The following GABRB1 variants were observed in gnomAD, a reference collection of about 807,000 sequenced individuals.
The protein encoded by GABRB1 is gamma-aminobutyric acid receptor subunit beta-1.
GABRB1 carries 17 observed loss-of-function variants against 51.6 expected under a neutral mutation model. The ratio of observed to expected loss-of-function variants is 0.33; its 90% CI spans 0.23 to 0.49. The LOEUF (loss-of-function observed/expected upper bound fraction) is 0.49. Ranked by LOEUF, GABRB1 falls within the 20% of genes least tolerant of loss-of-function variation. GABRB1 has a pLI of 0.99. For missense variants in GABRB1, 410 were observed against 600.6 expected (o/e 0.68, Z 3.32); for synonymous variants, 247 against 218.9 (o/e 1.13, Z -1.14).
chr4:47,050,255 A>C (rs969791451), intron 3 of GABRB1, among the ~76,000 whole-genome samples: 3 of 152,204 alleles, frequency 2.0e-5, no homozygotes, highest in African/African-American at 7.2e-5. Flanking sequence ...CCAGTTAGGC[A>C]TAATGCATTG....
chr4:47,016,729 C>T (rs1446672074), intron 1 of GABRB1, among the ~76,000 whole-genome samples: 1 of 152,028 alleles, frequency 6.6e-6, no homozygotes, highest in African/African-American at 2.4e-5. Flanking sequence ...TCTGGGATTA[C>T]AGGCGCCGAC....
At chr4:47,124,877 A>T (rs562085241) in intron 3 of GABRB1, among the ~76,000 whole-genome samples, 3 of 152,278 alleles carry the variant, frequency 2.0e-5, no homozygotes, top group Non-Finnish European at 4.4e-5. Flanking sequence ...CCATCAAGCA[A>T]ACAAATATGC....
intron 4 of GABRB1, among the ~76,000 whole-genome samples, chr4:47,242,378 T>A (rs1025937563): frequency 1.1e-4 from 16 of 152,224 alleles, no homozygotes; most frequent in African/African-American, 3.6e-4. Context: ...GCAGCATGAT[T>A]TATAATCCTT....
intron 4 of GABRB1, among the ~76,000 whole-genome samples, chr4:47,235,113 C>CT (rs1380289944): frequency 6.6e-6 from 1 of 152,166 alleles, no homozygotes; most frequent in Non-Finnish European, 1.5e-5. Context: ...TCATATCCAG[C>CT]TTTTTCCATA....
At chr4:47,294,623 C>A (rs183482166) in intron 4 of GABRB1, among the ~76,000 whole-genome samples, 53 of 152,330 alleles carry the variant, frequency 3.5e-4, no homozygotes, top group African/African-American at 1.3e-3. Flanking sequence ...TGGGTGGAGC[C>A]CACCACAGCT....
At chr4:47,007,897 A>ATATATATATATATGG (rs57931126) in intron 1 of GABRB1, among the ~76,000 whole-genome samples, 1 of 123,538 alleles carries the variant, frequency 8.1e-6, no homozygotes, top group Non-Finnish European at 1.7e-5. Flanking sequence ...TATATATAAA[A>ATATATATATATATGG]TCAAGTTTGT....
rs1727254801 is a variant in GABRB1, at chr4:47,070,034, T to C, written c.240+37550T>C. Among the ~76,000 whole-genome samples, 2 of 151,736 alleles carry C rather than the reference T, an allele frequency of 1.3e-5. 1 individual carries two copies. The highest frequency in any genetic ancestry group is 4.1e-4 in the South Asian group (2 of 4,826). On this transcript the variant is annotated intron_variant, in intron 3 of 8. Coordinates refer to ENST00000295454, the MANE Select transcript of GABRB1 (RefSeq NM_000812.4). ...TCTTTTTCGTTGTTGCTGTTTTTTT[T>C]TTTCTTTTCTTTTCTTTTTGAGACC...
At chr4:47,407,698 A>T (rs1038965534) in intron 8 of GABRB1, among the ~76,000 whole-genome samples, 1 of 152,224 alleles carries the variant, frequency 6.6e-6, no homozygotes, top group African/African-American at 2.4e-5. Flanking sequence ...TGGGATACTG[A>T]TGTGAATGAG....
chr4:46,998,732 T>TAA lies in GABRB1; in HGVS notation c.-20+4828_-20+4829dup, dbSNP rs1031492003. ...CTGGGCCACTGAGCAAGACTCTGTC[T>TAA]AAAAAAAAAAAAAAAAAAAAAAAGT... On this transcript the variant is annotated intron_variant, in intron 1 of 3. Coordinates refer to the GABRB1 transcript ENST00000513567. 3.8e-3 allele frequency among the ~76,000 whole-genome samples: 250 copies of TAA among 66,202 alleles called. 3 individuals carry two copies. The highest frequency in any genetic ancestry group is 5.3e-3 in the Non-Finnish European group (181 of 34,382). 43.4% of individuals were successfully genotyped at this position (66,202 alleles called of 152,430 possible).
At chr4:47,356,439 A>G (rs979748559) in intron 5 of GABRB1, among the ~76,000 whole-genome samples, 17 of 152,166 alleles carry the variant, frequency 1.1e-4, no homozygotes, top group African/African-American at 3.9e-4. Context: ...CCAGAGAGCA[A>G]ATTTTAGGCA....
chr4:47,071,198 C>T (rs1243338615), intron 3 of GABRB1, among the ~76,000 whole-genome samples: 1 of 152,168 alleles, frequency 6.6e-6, no homozygotes, highest in Non-Finnish European at 1.5e-5. Context: ...CTTCTCCCCA[C>T]ATTGCTATTG....
intron 3 of GABRB1, among the ~76,000 whole-genome samples, chr4:47,099,587 G>A (rs1714634270): frequency 6.6e-6 from 1 of 152,004 alleles, no homozygotes; most frequent in South Asian, 2.1e-4. Context: ...TTGAGTGAGT[G>A]GATTGCTCAT....
intron 4 of GABRB1, among the ~76,000 whole-genome samples, chr4:47,203,668 G>T (rs1444782243): frequency 6.6e-6 from 1 of 152,058 alleles, no homozygotes; most frequent in African/African-American, 2.4e-5. Context: ...ACCCTCATTT[G>T]TGACACAGGG....
intron 3 of GABRB1, among the ~76,000 whole-genome samples, chr4:47,035,314 C>G (rs1024850910): frequency 1.3e-5 from 2 of 151,860 alleles, no homozygotes; most frequent in Non-Finnish European, 2.9e-5. Context: ...TAATTTTTCA[C>G]AAATTAAGAA....
At chr4:47,074,602 A>T (rs1727472886) in intron 3 of GABRB1, among the ~76,000 whole-genome samples, 1 of 152,206 alleles carries the variant, frequency 6.6e-6, no homozygotes, top group Non-Finnish European at 1.5e-5. Flanking sequence ...GTGCTCAATG[A>T]TCATTAGCTC....
chr4:47,284,962 G>A (rs1044851646), intron 4 of GABRB1, among the ~76,000 whole-genome samples: 3 of 152,184 alleles, frequency 2.0e-5, no homozygotes, highest in Non-Finnish European at 4.4e-5. Flanking sequence ...ACAGAGTTTG[G>A]AGGATCGTAC....
chr4:47,038,430 T>C (rs1725690855), intron 3 of GABRB1, among the ~76,000 whole-genome samples: 1 of 152,226 alleles, frequency 6.6e-6, no homozygotes, highest in African/African-American at 2.4e-5. Context: ...AAGACTAAAT[T>C]GGAATTATTT....
At chr4:47,416,531 A>C (rs1420983624) in intron 8 of GABRB1, among the ~76,000 whole-genome samples, 1 of 151,392 alleles carries the variant, frequency 6.6e-6, no homozygotes, top group Non-Finnish European at 1.5e-5. Context: ...GCTCACTGCA[A>C]CCTCTGCCTC....
chr4:47,304,385 A>T (rs1423024527), intron 4 of GABRB1, among the ~76,000 whole-genome samples: 1 of 152,012 alleles, frequency 6.6e-6, no homozygotes, highest in Non-Finnish European at 1.5e-5. Flanking sequence ...ATGATTAGTG[A>T]TATTGAACAA....
Sources: allele counts gnomAD v4.1 joint callset (sites outside exome capture counted in the v4.1 genomes callset), GRCh38; gene constraint gnomAD v4.1.1; transcripts MANE v1.5; gene names NCBI Gene and HGNC (gene_info 2026-07-23, HGNC 2026-07-21).